PRPSAP2: variants seen among roughly 807,000 people sequenced by gnomAD.
PRPSAP2 encodes the protein phosphoribosyl pyrophosphate synthase-associated protein 2.
A neutral mutation model predicts 40.6 loss-of-function variants in PRPSAP2; 24 were observed. The ratio of observed to expected loss-of-function variants is 0.59; its 90% CI spans 0.43 to 0.83. PRPSAP2 has a LOEUF of 0.83. PRPSAP2 is among the 40% of genes least tolerant of loss of function. The probability of loss-of-function intolerance (pLI) is 0.00; values close to 1 mark genes in which losing one functional copy is unlikely to be tolerated. For missense variants in PRPSAP2, 292 were observed against 465.6 expected, an observed-to-expected ratio of 0.63 and a Z score of 3.43; for synonymous variants, 149 against 164.7, an observed-to-expected ratio of 0.90 and a Z score of 0.73.
At chr17:18,926,213 TC>T (rs2041959468) in intron 10 of PRPSAP2, among the ~76,000 whole-genome samples, 1 of 151,950 alleles carries the variant, frequency 6.6e-6, no homozygotes, top group South Asian at 2.1e-4. Flanking sequence ...GTAGCACCTT[TC>T]CCCCCGTTCT....
chr17:18,862,978 G>T (rs1340761094), intron 1 of PRPSAP2, among the ~76,000 whole-genome samples: 1 of 148,060 alleles, frequency 6.8e-6, no homozygotes, highest in Non-Finnish European at 1.5e-5. Context: ...CCACCACCAC[G>T]CCCACCTAAT....
rs2039605976 is a variant in PRPSAP2 at position 18,892,447 on chromosome 17, C to G, written c.584+2570C>G. Among the ~76,000 whole-genome samples, 4 of 152,104 alleles carry G rather than the reference C, an allele frequency of 2.6e-5. No individual in the cohort carries two copies. The South Asian group carries it at 8.3e-4, about 32-fold the overall frequency. On this transcript the variant is annotated intron_variant, in intron 8 of 11. Transcript: ENST00000268835. ...GCTGCCCATTTTACATTCCCACCAG[C>G]AGAGTATGAGGGTTCCAACTTCTCC...
At chr17:18,893,496 T>A (rs1385117702) in intron 8 of PRPSAP2, among the ~76,000 whole-genome samples, 2 of 152,076 alleles carry the variant, frequency 1.3e-5, no homozygotes, top group African/African-American at 4.8e-5. Flanking sequence ...GGCTCACTTC[T>A]GTAATCTCAG....
chr17:18,924,691 C>T (rs949424119), intron 10 of PRPSAP2, among the ~76,000 whole-genome samples: 7 of 151,288 alleles, frequency 4.6e-5, no homozygotes, highest in African/African-American at 1.7e-4. Context: ...ATCACTTGAG[C>T]CTGGGGCTCA....
intron 11 of PRPSAP2, among the ~76,000 whole-genome samples, chr17:18,929,177 T>C (rs1011789559): frequency 1.3e-5 from 2 of 151,716 alleles, no homozygotes; most frequent in Non-Finnish European, 2.9e-5. Flanking sequence ...GCCAACAGGG[T>C]GAAACCCCGT....
In PRPSAP2 at chr17:18,919,318, C is replaced by T. The variant is rs533791058; in HGVS notation, c.734-4596C>T. 2.0e-5 allele frequency among the ~76,000 whole-genome samples: 3 copies of T among 152,218 alleles called. No homozygotes were observed. The South Asian group carries it at 6.2e-4, about 32-fold the overall frequency. On this transcript the variant is annotated intron_variant, in intron 9 of 11. Transcript: ENST00000268835. The stretch of plus-strand genomic sequence containing the variant: ...GGTCAGGAGTTCAAGATCAAACTGA[C>T]CAAGATGGCGAAACGCTGTCTCTAC...
chr17:18,886,153 A>T (rs954672268), intron 7 of PRPSAP2, among the ~76,000 whole-genome samples: 25 of 152,026 alleles, frequency 1.6e-4, no homozygotes, highest in African/African-American at 6.0e-4. Context: ...ACATTATTTT[A>T]CGTCACCAAG....
At chr17:18,909,794 A>G (rs1432292617) in intron 8 of PRPSAP2, among the ~76,000 whole-genome samples, 1 of 151,934 alleles carries the variant, frequency 6.6e-6, no homozygotes, top group Non-Finnish European at 1.5e-5. Context: ...AATCCCAGCT[A>G]CTTGGGAGGT....
At position 18,930,635 on chromosome 17, in the gene PRPSAP2, C is replaced by A. The variant is rs2042212345; in HGVS notation, c.1047C>A (p.Ile349=). Residue 349 remains isoleucine, a synonymous_variant, in exon 12 of 12, where the codon ATC becomes ATA. Coordinates refer to ENST00000268835, the MANE Select transcript of PRPSAP2 (RefSeq NM_002767.4). The part of the protein sequence containing the change: ...VDISMILSEA[I]RRIHNGESMS... Reference sequence around the variant, plus strand: ...TCAGCATGATCCTTTCAGAGGCGATCCGTCGGATCCACAATGGGGAGTCCA... The same window carrying A: ...TCAGCATGATCCTTTCAGAGGCGATACGTCGGATCCACAATGGGGAGTCCA... The A allele has an allele frequency of 6.2e-7, 1 of 1,613,850 alleles. No homozygotes were observed. The highest frequency in any genetic ancestry group is 8.5e-7 in the Non-Finnish European group (1 of 1,179,816).
chr17:18,920,928 C>T (rs2041653527), intron 9 of PRPSAP2, among the ~76,000 whole-genome samples: 1 of 151,484 alleles, frequency 6.6e-6, no homozygotes, highest in Admixed American at 6.6e-5. Context: ...CATGTTGCTG[C>T]CTCCTTCTCC....
In PRPSAP2 at chr17:18,876,426, A is replaced by T. The variant is rs182146260; in HGVS notation, c.240-1272A>T. Among the ~76,000 whole-genome samples, 111 of 152,286 alleles carry T rather than the reference A, an allele frequency of 7.3e-4. 2 individuals carry two copies. The highest frequency in any genetic ancestry group is 8.7e-4 in the Non-Finnish European group (59 of 68,010). Reference sequence around the variant, plus strand: ...TCTCTTTTAACTCATCAGATGTCAGACTTGTTGTATAGTGACAGAGAACCT... The same window carrying T: ...TCTCTTTTAACTCATCAGATGTCAGTCTTGTTGTATAGTGACAGAGAACCT... On this transcript the variant is annotated intron_variant, in intron 5 of 11. Transcript: ENST00000268835.
intron 6 of PRPSAP2, among the ~76,000 whole-genome samples, chr17:18,879,919 A>C (rs2038603399): frequency 6.6e-6 from 1 of 152,002 alleles, no homozygotes; most frequent in African/African-American, 2.4e-5. Context: ...CAACATGGAA[A>C]AACCCCGTCT....
chr17:18,901,148 G>T (rs982122649), intron 8 of PRPSAP2, among the ~76,000 whole-genome samples: 1 of 152,120 alleles, frequency 6.6e-6, no homozygotes, highest in Non-Finnish European at 1.5e-5. Context: ...GGCAGTTATT[G>T]TCTAAATATT....
chr17:18,871,940 A>G (rs1427995983), intron 4 of PRPSAP2, among the ~76,000 whole-genome samples: 4 of 151,990 alleles, frequency 2.6e-5, no homozygotes, highest in Non-Finnish European at 4.4e-5. Flanking sequence ...GATTACAGGC[A>G]TGAGCCACTG....
intron 4 of PRPSAP2, among the ~76,000 whole-genome samples, chr17:18,871,611 CT>C (rs1404055309): frequency 4.0e-5 from 6 of 149,454 alleles, no homozygotes; most frequent in African/African-American, 1.5e-4. Context: ...CTAATACATT[CT>C]GAATTGATAA....
Position 18,870,808 on chromosome 17 carries a change from CAA to C in PRPSAP2, c.173-1760_173-1759del, listed in dbSNP as rs59205286. 2.7e-3 allele frequency among the ~76,000 whole-genome samples: 343 copies of C among 125,548 alleles called. 1 individual carries two copies. The highest frequency in any genetic ancestry group is 7.7e-3 in the African/African-American group (262 of 34,046). The allele number at this position is 125,548 out of a possible 152,430, so 82.4% of individuals were successfully genotyped here. A position where few individuals can be genotyped will look rare whatever the true frequency, so the allele number is the denominator to read the frequency against. On this transcript the variant is annotated intron_variant, in intron 4 of 11. Transcript: ENST00000268835. Reference sequence around the variant, plus strand: ...CGGGCAACAGAGCAAGACCTTGTCTCAAAAAAAAAAAAAAAAGAAAAGGAAAA... The same window carrying C: ...CGGGCAACAGAGCAAGACCTTGTCTCAAAAAAAAAAAAAAGAAAAGGAAAA...
intron 9 of PRPSAP2, chr17:18,917,599 T>A (rs1400423274): frequency 8.5e-4 from 99 of 115,956 alleles, no homozygotes; most frequent in African/African-American, 2.3e-3. Context: ...TTTTTTTTTT[T>A]TTTTTTTTTT....
chr17:18,926,833 G>A (rs1179209374), intron 10 of PRPSAP2, among the ~76,000 whole-genome samples: 1 of 151,898 alleles, frequency 6.6e-6, no homozygotes, highest in African/African-American at 2.4e-5. Context: ...CTTACCATGG[G>A]TAGCTTTGTG....
At chr17:18,905,649 G>C (rs531237970) in intron 8 of PRPSAP2, among the ~76,000 whole-genome samples, 1 of 151,122 alleles carries the variant, frequency 6.6e-6, no homozygotes, top group Non-Finnish European at 1.5e-5. Flanking sequence ...GTGCGATCTC[G>C]GCTCACCGCA....
Sources: gnomAD v4.1 joint callset for allele counts (sites outside exome capture counted in the v4.1 genomes callset) on GRCh38, gnomAD v4.1.1 for gene constraint, MANE v1.5 for transcripts, NCBI Gene and HGNC (gene_info 2026-07-23, HGNC 2026-07-21) for gene names.